B4GALNT1: variants seen among roughly 807,000 people sequenced by gnomAD.
The protein encoded by B4GALNT1 is beta-1,4 N-acetylgalactosaminyltransferase 1.
A neutral mutation model predicts 55.2 loss-of-function variants in B4GALNT1; 43 were observed. The observed-to-expected ratio is 0.78, with a 90% CI of 0.61 to 1.00. The LOEUF is 1.00. Among genes scored for constraint, B4GALNT1 ranks in the 50% least tolerant of loss-of-function variants. The pLI, the probability that B4GALNT1 is intolerant of heterozygous loss-of-function variation, is 0.00. For missense variants in B4GALNT1, 664 were observed against 729.7 expected (o/e 0.91, Z 1.04); for synonymous variants, 305 against 311.6 (o/e 0.98, Z 0.22).
chr12:57,623,990 C>T lies in B4GALNT1; in HGVS notation c.*2754G>A, dbSNP rs1457051515. On this transcript the variant is annotated 3_prime_UTR_variant, in exon 11 of 11. Transcript: ENST00000341156. ...GGACATCGAGGTAGTCAGCCCACCTCCTCTGCCTCAAGGCTGTCCTGGCTT... is the reference window on the plus strand; with the variant it reads ...GGACATCGAGGTAGTCAGCCCACCTTCTCTGCCTCAAGGCTGTCCTGGCTT... 1.2e-6 allele frequency: 2 copies of T among 1,611,950 alleles called. No homozygotes were observed. Among genetic ancestry groups the T allele is most frequent in the African/African-American group, 1.3e-5 (1 of 74,988 alleles).
In B4GALNT1 at chr12:57,631,251, A is replaced by T. The variant is rs1885191725; in HGVS notation, c.332T>A (p.Leu111Gln). Residue 111 changes from leucine to glutamine, a missense_variant, in exon 3 of 11, where the codon CTG (leucine) becomes CAG (glutamine). By Grantham distance (113) the Leu-to-Gln change is moderately radical. Coordinates refer to ENST00000341156, the MANE Select transcript of B4GALNT1 (RefSeq NM_001478.5). ...DLTKAFDPAELRAASATREQE... is the reference protein window; with the variant it reads ...DLTKAFDPAEQRAASATREQE... ...CTCTCTTGTGGCAGAGGCAGCCCTC[A>T]GCTCTGCAGGGTCAAAGGCCTTGGT... 6.2e-7 allele frequency: 1 copy of T among 1,614,032 alleles called. No individual in the cohort carries two copies. The highest frequency in any genetic ancestry group is 1.3e-5 in the African/African-American group (1 of 74,894).
rs1884654277 is a variant in B4GALNT1, at chr12:57,624,291, T to C, written c.*2453A>G. ...GGTTTGAACCCCTTTGGCCTGAATATTTGTAACTTCCCAACTGGTGCGGGT... is the reference window on the plus strand; with the variant it reads ...GGTTTGAACCCCTTTGGCCTGAATACTTGTAACTTCCCAACTGGTGCGGGT... On this transcript the variant is annotated 3_prime_UTR_variant, in exon 11 of 11. Transcript: ENST00000341156. The C allele has an allele frequency of 4.7e-6, 3 of 634,990 alleles. No homozygotes were observed. Among genetic ancestry groups the C allele is most frequent in the South Asian group, 1.9e-5 (1 of 52,466 alleles). The allele number at this position is 634,990 out of a possible 1,614,324, so 39.3% of individuals were successfully genotyped here. A position where few individuals can be genotyped will look rare whatever the true frequency, so the allele number is the denominator to read the frequency against.
chr12:57,627,691 G>A lies in B4GALNT1; in HGVS notation c.1311C>T (p.Asn437=), dbSNP rs749032499. 6.2e-6 allele frequency: 10 copies of A among 1,612,302 alleles called. No individual in the cohort carries two copies. Among genetic ancestry groups the A allele is most frequent in the African/African-American group, 2.7e-5 (2 of 74,904 alleles). Residue 437 remains asparagine, a synonymous_variant, in exon 10 of 11, where the codon AAC becomes AAT. Coordinates refer to ENST00000341156, the MANE Select transcript of B4GALNT1 (RefSeq NM_001478.5). ...CCTTGTCAGTCCGCGCCAGGAAGAA[G>A]TTAACCACGCCGTCGGTGACCACGC... ...PGCVVTDGVV[N]FFLARTDKVR... is the part of the protein sequence containing the mutation.
In B4GALNT1 at chr12:57,625,728, C is replaced by T. The variant is rs200334584; in HGVS notation, c.*1016G>A. ...CACCAGGAGCGGGAGCCAGGAGGCA[C>T]TGGGCTGCGGCAAGTGAGGCAGGGG... On this transcript the variant is annotated 3_prime_UTR_variant, in exon 11 of 11. Coordinates refer to ENST00000341156, the MANE Select transcript of B4GALNT1 (RefSeq NM_001478.5). The T allele has an allele frequency of 3.9e-6, 6 of 1,531,906 alleles. No individual in the cohort carries two copies. The East Asian group carries it at 9.0e-5, about 23-fold the overall frequency. 94.9% of individuals were successfully genotyped at this position (1,531,906 alleles called of 1,614,324 possible). A position where few individuals can be genotyped will look rare whatever the true frequency, so the allele number is the denominator to read the frequency against.
chr12:57,630,518 C>T lies in B4GALNT1; in HGVS notation c.491G>A (p.Gly164Glu), dbSNP rs373871862. The change falls in exon 5 of 11, where the codon GGG becomes GAG. Residue 164 changes from glycine to glutamate, a missense_variant and splice_region_variant. Gly to Glu is a moderately conservative substitution (Grantham distance 98). Transcript: ENST00000341156. The part of the protein sequence containing the change: ...VQPLRSILVP[G>E]LSLQAASGQE... ...ACCAGAAGCTGCCTGAAGGCTCAGC[C>T]CTAGGAGAAAGGAGTGGGGGGATCA... 3.7e-6 allele frequency: 6 copies of T among 1,606,160 alleles called. No homozygotes were observed. Among genetic ancestry groups the T allele is most frequent in the Non-Finnish European group, 5.1e-6 (6 of 1,176,714 alleles).
In B4GALNT1 at chr12:57,625,194, T is replaced by C. The variant is rs148596529; in HGVS notation, c.*1550A>G. On this transcript the variant is annotated 3_prime_UTR_variant, in exon 11 of 11. Transcript: ENST00000341156. ...GACAAGAAGGAAGATTTGGGCATGT[T>C]GCATGGTGACACCTGGGTACTCCTG... 371 of 1,614,122 alleles carry C rather than the reference T, an allele frequency of 2.3e-4. 4 individuals are homozygous for C. The East Asian group carries it at 8.1e-3, about 35-fold the overall frequency.
Position 57,632,014 on chromosome 12 carries a change from C to G in B4GALNT1, c.119G>C (p.Trp40Ser), listed in dbSNP as rs1399646404. The change falls in exon 2 of 11, where the codon TGG (tryptophan) becomes TCG (serine). Residue 40 changes from tryptophan (W) to serine (S), a missense_variant. Transcript: ENST00000341156. The stretch of plus-strand genomic sequence containing the variant: ...CCTGCGGGGGCTTTGCGGGGGCGCC[C>G]ACGGCGCAAGAGGTAGCCGGAGGCC... ...APGLRLPLAPWAPPQSPRRPE... is the reference protein window; with the variant it reads ...APGLRLPLAPSAPPQSPRRPE... The G allele has an allele frequency of 6.9e-7, 1 of 1,449,318 alleles. No individual in the cohort carries two copies. The highest frequency in any genetic ancestry group is 1.5e-5 in the South Asian group (1 of 65,472). The allele number at this position is 1,449,318 out of a possible 1,614,324, so 89.8% of individuals were successfully genotyped here.
At position 57,628,705 on chromosome 12, in the gene B4GALNT1, C is replaced by T. The variant is rs761673619; in HGVS notation, c.1002+8G>A. On this transcript the variant is annotated splice_region_variant and intron_variant, in intron 8 of 10. Coordinates refer to ENST00000341156, the MANE Select transcript of B4GALNT1 (RefSeq NM_001478.5). ...TCTGGCCTGCCGTTCAGCCTGCTAG[C>T]TGCACACCTTGCCGAAGGGCATGAG... 1 of 1,613,982 alleles carries T rather than the reference C, an allele frequency of 6.2e-7. No individual in the cohort carries two copies.
chr12:57,626,662 AGGGTGGT>A lies in B4GALNT1; in HGVS notation c.*75_*81del. ...CAGGGACAGCCAGTAGAGTGCTCAC[AGGGTGGT>A]GGGGTTTGTTGGAAATTCCTGGCAG... is the stretch of plus-strand genomic sequence containing the variant. On this transcript the variant is annotated 3_prime_UTR_variant, in exon 11 of 11. Transcript: ENST00000341156. The A allele has an allele frequency of 1.3e-6, 2 of 1,499,736 alleles. No individual in the cohort carries two copies. Among genetic ancestry groups the A allele is most frequent in the Non-Finnish European group, 1.8e-6 (2 of 1,083,738 alleles). The allele number at this position is 1,499,736 out of a possible 1,614,324, so 92.9% of individuals were successfully genotyped here. A position where few individuals can be genotyped will look rare whatever the true frequency, so the allele number is the denominator to read the frequency against.
Position 57,624,793 on chromosome 12 carries a change from G to A in B4GALNT1, c.*1951C>T, listed in dbSNP as rs1263742850. 6 of 1,404,424 alleles carry A rather than the reference G, an allele frequency of 4.3e-6. No homozygotes were observed. In the East Asian group the frequency reaches 1.4e-4, roughly 32 times the overall value. 87.0% of individuals were successfully genotyped at this position (1,404,424 alleles called of 1,614,324 possible). A position where few individuals can be genotyped will look rare whatever the true frequency, so the allele number is the denominator to read the frequency against. On this transcript the variant is annotated 3_prime_UTR_variant, in exon 11 of 11. Transcript: ENST00000341156. ...ACAGACCACTCAGAGGAAGCCCCAG[G>A]GTGGGTGGGCTGCAGCCAAAGAAGG... is the stretch of plus-strand genomic sequence containing the variant.
rs570317407 is a variant in B4GALNT1, at chr12:57,628,030, G to A, written c.1143+92C>T. On this transcript the variant is annotated intron_variant, in intron 9 of 10. Coordinates refer to ENST00000341156, the MANE Select transcript of B4GALNT1 (RefSeq NM_001478.5). ...ACTTCGTGGTTCTCTCTTTGTCCTAGGGCTGGCCGTTCCTGGCCGCAGCGC... is the reference window on the plus strand; with the variant it reads ...ACTTCGTGGTTCTCTCTTTGTCCTAAGGCTGGCCGTTCCTGGCCGCAGCGC... 4.2e-5 allele frequency: 66 copies of A among 1,557,310 alleles called. 1 individual carries two copies. In the South Asian group the frequency reaches 7.4e-4, roughly 17 times the overall value.
In B4GALNT1 at chr12:57,629,608, T is replaced by C. The variant is rs556704153; in HGVS notation, c.713-462A>G. The C allele has an allele frequency of 1.1e-5, 6 of 536,768 alleles. No homozygotes were observed. The South Asian group carries it at 1.5e-4, about 13-fold the overall frequency. 33.3% of individuals were successfully genotyped at this position (536,768 alleles called of 1,614,324 possible). A position where few individuals can be genotyped will look rare whatever the true frequency, so the allele number is the denominator to read the frequency against. The stretch of plus-strand genomic sequence containing the variant: ...AGTGGAAAATAAGACAAACAAGTAA[T>C]GTGATAGTGAAGAGGAGGCATTTGA... On this transcript the variant is annotated intron_variant, in intron 6 of 10. Coordinates refer to ENST00000341156, the MANE Select transcript of B4GALNT1 (RefSeq NM_001478.5).
In B4GALNT1 at chr12:57,626,497, C is replaced by T. The variant is rs561084915; in HGVS notation, c.*247G>A. On this transcript the variant is annotated 3_prime_UTR_variant, in exon 11 of 11. Transcript: ENST00000341156. ...CCATTTCCTGCCCCATGAGAATGGG[C>T]AGGGGGAGGACTTGGCACTGGCTGT... 7.4e-6 allele frequency: 4 copies of T among 544,108 alleles called. No individual in the cohort carries two copies. Among genetic ancestry groups the T allele is most frequent in the Non-Finnish European group, 9.9e-6 (3 of 302,236 alleles). The allele number at this position is 544,108 out of a possible 1,614,324, so 33.7% of individuals were successfully genotyped here.
In B4GALNT1 at chr12:57,628,112, C is replaced by G. The variant is rs956573343; in HGVS notation, c.1143+10G>C. 3.1e-6 allele frequency: 5 copies of G among 1,613,350 alleles called. No homozygotes were observed. The highest frequency in any genetic ancestry group is 4.2e-6 in the Non-Finnish European group (5 of 1,180,028). ...TTCTCCACCCCCACATCCTGCAGCC[C>G]CTGCCCTACCAGGTCCAGCGGCGTC... is the stretch of plus-strand genomic sequence containing the variant. On this transcript the variant is annotated intron_variant, in intron 9 of 10. Transcript: ENST00000341156.
Position 57,625,647 on chromosome 12 carries a change from G to T in B4GALNT1, c.*1097C>A. ...CAGGGTGACTCCAGATCAGCTGTTT[G>T]TGAGTGTGCAGGATGCAGCTGCTTA... On this transcript the variant is annotated 3_prime_UTR_variant, in exon 11 of 11. Transcript: ENST00000341156. 1.9e-6 allele frequency: 3 copies of T among 1,592,922 alleles called. No individual in the cohort carries two copies. The highest frequency in any genetic ancestry group is 1.2e-5 in the South Asian group (1 of 86,818).
rs1327341031 is a variant in B4GALNT1, at chr12:57,626,818, G to C, written c.1528C>G (p.Leu510Val). ...TYARYRYPGS[L>V]DESQMAKHRL... ...TGTTTGGCCATCTGGCTCTCGTCCA[G>C]TGATCCTGGGTAACGGTACCGGGCG... The change falls in exon 11 of 11, where the codon CTG (leucine) becomes GTG (valine). Residue 510 changes from leucine (L) to valine (V), a missense_variant. By Grantham distance (32) the Leu-to-Val change is conservative. Transcript: ENST00000341156. The C allele has an allele frequency of 6.2e-7, 1 of 1,614,130 alleles. No individual in the cohort carries two copies. The highest frequency in any genetic ancestry group is 1.3e-5 in the African/African-American group (1 of 74,940).
intron 10 of B4GALNT1, 60 bp downstream of exon 10, chr12:57,627,558 C>T: frequency 4.6e-6 from 7 of 1,523,594 alleles, no homozygotes; most frequent in Non-Finnish European, 6.2e-6. Flanking sequence ...AGGCGCGTGA[C>T]CGTGCGCCAG....
At position 57,626,770 on chromosome 12, in the gene B4GALNT1, G is replaced by T. The variant is rs1008314263; in HGVS notation, c.1576C>A (p.Arg526=). The T allele has an allele frequency of 2.5e-6, 4 of 1,614,086 alleles. No homozygotes were observed. In the East Asian group the frequency reaches 6.7e-5, roughly 27 times the overall value. Residue 526 remains arginine (R), a synonymous_variant, in exon 11 of 11, where the codon CGG becomes AGG. Transcript: ENST00000341156. ...AKHRLLFFKH[R]LQCMTSQ Reference sequence around the variant, plus strand: ...CACTGGGAGGTCATGCACTGCAGCCGGTGTTTGAAGAAGAGCAGCCGGTGT... The same window carrying T: ...CACTGGGAGGTCATGCACTGCAGCCTGTGTTTGAAGAAGAGCAGCCGGTGT...
In B4GALNT1 at chr12:57,628,859, A is replaced by G. The variant is rs1291629707; in HGVS notation, c.856T>C (p.Phe286Leu). ...GCCCGTAGCCGATCATAACGGAGGAAGGTCTTGGTGGCAATCGTGACTAGA... is the reference window on the plus strand; with the variant it reads ...GCCCGTAGCCGATCATAACGGAGGAGGGTCTTGGTGGCAATCGTGACTAGA... ...SALVTIATKT[F>L]LRYDRLRALI... The change falls in exon 8 of 11, where the codon TTC becomes CTC. Residue 286 changes from phenylalanine to leucine, a missense_variant. Coordinates refer to ENST00000341156, the MANE Select transcript of B4GALNT1 (RefSeq NM_001478.5). The G allele has an allele frequency of 6.2e-7, 1 of 1,614,068 alleles. No homozygotes were observed. The highest frequency in any genetic ancestry group is 1.3e-5 in the African/African-American group (1 of 74,940).
Sources: gnomAD v4.1 joint callset for allele counts on GRCh38, gnomAD v4.1.1 for gene constraint, MANE v1.5 for transcripts, NCBI Gene and HGNC (gene_info 2026-07-23, HGNC 2026-07-21) for gene names.